The following MIPEP variants were observed in gnomAD, a reference collection of about 807,000 sequenced individuals.
MIPEP encodes mitochondrial intermediate peptidase.
In MIPEP, 79 loss-of-function variants were observed where a neutral mutation model predicts 90.3. The ratio of observed to expected loss-of-function variants is 0.87; its 90% CI spans 0.73 to 1.05. MIPEP has a LOEUF of 1.05. Among genes scored for constraint, MIPEP ranks in the 50% least tolerant of loss-of-function variants. The pLI is 0.00. For synonymous variants in MIPEP, 334 were observed against 315.8 expected (o/e 1.06, Z -0.61); for missense variants, 940 against 905.6 (o/e 1.04, Z -0.49).
intron 16 of MIPEP, among the ~76,000 whole-genome samples, chr13:23,787,205 CAA>C (rs1952852094): frequency 6.6e-6 from 1 of 152,154 alleles, no homozygotes; most frequent in Non-Finnish European, 1.5e-5. Context: ...GCTGCTATAA[CAA>C]AATACCATAG....
chr13:23,869,320 A>G lies in MIPEP; in HGVS notation c.915T>C (p.Ala305=), dbSNP rs111473222. 1.3e-5 allele frequency: 21 copies of G among 1,610,026 alleles called. No homozygotes were observed. Among genetic ancestry groups the G allele is most frequent in the Non-Finnish European group, 1.8e-5 (21 of 1,178,936 alleles). Residue 305 remains alanine (A), a synonymous_variant, in exon 7 of 19, where the codon GCT becomes GCC. Transcript: ENST00000382172. The part of the protein sequence containing the change: ...LVGYSTFSHR[A]LQGTIAKNPE... ...GATTTTTAGCTATCGTTCCTTGGAGAGCCCTGTGAGAAAACGTGGAATACC... is the reference window on the plus strand; with the variant it reads ...GATTTTTAGCTATCGTTCCTTGGAGGGCCCTGTGAGAAAACGTGGAATACC...
chr13:23,770,586 T>TCCC (rs2138531140), intron 16 of MIPEP, among the ~76,000 whole-genome samples: 2 of 152,018 alleles, frequency 1.3e-5, no homozygotes, highest in South Asian at 4.2e-4. Context: ...AGGGCCTAAC[T>TCCC]CCCCTGCCTG....
chr13:23,877,456 C>T (rs899556367), intron 4 of MIPEP, among the ~76,000 whole-genome samples: 3 of 152,164 alleles, frequency 2.0e-5, no homozygotes, highest in African/African-American at 7.2e-5. Context: ...TCTTTGCATA[C>T]ATGAAAGCTC....
intron 7 of MIPEP, among the ~76,000 whole-genome samples, chr13:23,868,951 T>C (rs1870660232): frequency 6.6e-6 from 1 of 152,188 alleles, no homozygotes; most frequent in African/African-American, 2.4e-5. Context: ...TCAGTAAACA[T>C]ACTGATCTTT....
chr13:23,805,471 C>T (rs1211029130), intron 16 of MIPEP, among the ~76,000 whole-genome samples: 1 of 152,140 alleles, frequency 6.6e-6, no homozygotes, highest in Non-Finnish European at 1.5e-5. Context: ...AGTCTGGCGC[C>T]TAGAATCCAA....
chr13:23,784,251 C>T (rs1008210488), intron 16 of MIPEP, among the ~76,000 whole-genome samples: 17 of 152,222 alleles, frequency 1.1e-4, no homozygotes, highest in African/African-American at 3.9e-4. Context: ...TACAAGGCTA[C>T]GGTAACCAAA....
At chr13:23,843,423 T>G (rs1462767736) in intron 10 of MIPEP, among the ~76,000 whole-genome samples, 3 of 152,220 alleles carry the variant, frequency 2.0e-5, no homozygotes, top group Admixed American at 6.5e-5. Context: ...CAATGCACAC[T>G]AAAATAACTT....
intron 10 of MIPEP, among the ~76,000 whole-genome samples, chr13:23,847,945 C>G (rs1020506908): frequency 2.0e-5 from 3 of 152,150 alleles, no homozygotes; most frequent in Non-Finnish European, 2.9e-5. Context: ...TTCTGTGAGA[C>G]AGGTGGAGCA....
intron 9 of MIPEP, among the ~76,000 whole-genome samples, chr13:23,861,838 A>G (rs1172710386): frequency 1.3e-5 from 2 of 152,226 alleles, no homozygotes; most frequent in African/African-American, 4.8e-5. Context: ...GATTGAAAAC[A>G]ACACTTAAGT....
At chr13:23,789,501 T>C (rs1281337735) in intron 16 of MIPEP, among the ~76,000 whole-genome samples, 7 of 152,208 alleles carry the variant, frequency 4.6e-5, no homozygotes, top group African/African-American at 1.4e-4. Flanking sequence ...CGGAACACCT[T>C]AGGTAAATGC....
chr13:23,884,885 C>A (rs932779184), intron 2 of MIPEP, among the ~76,000 whole-genome samples: 4 of 152,166 alleles, frequency 2.6e-5, no homozygotes, highest in Non-Finnish European at 1.5e-5. Context: ...TAAATGATCA[C>A]TATTTAAATT....
chr13:23,746,738 G>A (rs749074693), intron 18 of MIPEP, among the ~76,000 whole-genome samples: 4 of 151,798 alleles, frequency 2.6e-5, no homozygotes, highest in Non-Finnish European at 5.9e-5. Flanking sequence ...AGCACTGAGA[G>A]AACGTTACCT....
intron 14 of MIPEP, among the ~76,000 whole-genome samples, chr13:23,813,555 C>A (rs762248573): frequency 6.6e-6 from 1 of 152,104 alleles, no homozygotes; most frequent in Non-Finnish European, 1.5e-5. Flanking sequence ...AATATATATA[C>A]ATATAAATAC....
chr13:23,841,226 G>A, intron 11 of MIPEP, 109 bp downstream of exon 11: 1 of 888,836 alleles, frequency 1.1e-6, no homozygotes, highest in Non-Finnish European at 1.7e-6. Context: ...TAAGGCAGGG[G>A]ACACACTCAG....
intron 14 of MIPEP, among the ~76,000 whole-genome samples, chr13:23,820,856 C>T (rs1431399474): frequency 6.6e-6 from 1 of 152,200 alleles, no homozygotes; most frequent in East Asian, 1.9e-4. Context: ...GGCCAGGGAA[C>T]AAATGGATAG....
chr13:23,749,492 G>A (rs879355054), intron 18 of MIPEP, among the ~76,000 whole-genome samples: 1 of 152,204 alleles, frequency 6.6e-6, no homozygotes, highest in African/African-American at 2.4e-5. Context: ...GTCTGAAACT[G>A]AAGTGAGTTT....
intron 14 of MIPEP, among the ~76,000 whole-genome samples, chr13:23,823,002 G>T (rs1268796017): frequency 6.6e-6 from 1 of 151,720 alleles, no homozygotes; most frequent in Non-Finnish European, 1.5e-5. Flanking sequence ...ACAGAATCCT[G>T]AACCCACTTC....
At chr13:23,873,616 C>G (rs994423636) in intron 5 of MIPEP, among the ~76,000 whole-genome samples, 3 of 152,174 alleles carry the variant, frequency 2.0e-5, no homozygotes, top group African/African-American at 4.8e-5. Flanking sequence ...GCCTTTAGAA[C>G]AGCCCGGGTG....
chr13:23,790,386 A>T (rs767379), intron 16 of MIPEP, among the ~76,000 whole-genome samples: 2 of 152,134 alleles, frequency 1.3e-5, no homozygotes, highest in Non-Finnish European at 2.9e-5. Context: ...TCTGTGTGGC[A>T]GAAAGAATAA....
Sources: gnomAD v4.1 joint callset for allele counts (sites outside exome capture counted in the v4.1 genomes callset) on GRCh38, gnomAD v4.1.1 for gene constraint, MANE v1.5 for transcripts, NCBI Gene and HGNC (gene_info 2026-07-23, HGNC 2026-07-21) for gene names.